Variants in PDE4B observed in about 807,000 individuals in gnomAD.
PDE4B encodes 3',5'-cyclic-AMP phosphodiesterase 4B.
PDE4B carries 20 observed loss-of-function variants against 82.2 expected under a neutral mutation model. That is an observed-to-expected ratio of 0.24 (90% CI 0.17 to 0.35). PDE4B has a LOEUF of 0.35. Among genes scored for constraint, PDE4B ranks in the 10% least tolerant of loss-of-function variants. PDE4B has a pLI of 1.00. For missense variants in PDE4B, 655 were observed against 907.2 expected (o/e 0.72, Z 3.57); for synonymous variants, 320 against 318.9 (o/e 1.00, Z -0.04).
chr1:66,090,862 G>A (rs1321544709), intron 3 of PDE4B, among the ~76,000 whole-genome samples: 1 of 151,508 alleles, frequency 6.6e-6, no homozygotes. Flanking sequence ...CTGTATGACG[G>A]GAACTAGAGA....
intron 3 of PDE4B, among the ~76,000 whole-genome samples, chr1:66,007,576 T>C (rs976534522): frequency 1.4e-4 from 22 of 152,160 alleles, no homozygotes; most frequent in African/African-American, 5.3e-4. Flanking sequence ...CCACTTCTTT[T>C]TCCAAATGGC....
intron 3 of PDE4B, among the ~76,000 whole-genome samples, chr1:65,934,436 TA>T (rs1477952486): frequency 1.6e-4 from 24 of 152,136 alleles, no homozygotes; most frequent in African/African-American, 5.8e-4. Context: ...CCTGTCTCAA[TA>T]AAAAATAAAA....
At chr1:65,887,412 C>CTTTTTTTTTTTT (rs1285765740) in intron 1 of PDE4B, among the ~76,000 whole-genome samples, 27 of 6,916 alleles carry the variant, frequency 3.9e-3, no homozygotes, top group African/African-American at 6.1e-3. Context: ...TCTTTTTCTT[C>CTTTTTTTTTTTT]TGTTTTTTTT....
intron 4 of PDE4B, among the ~76,000 whole-genome samples, chr1:66,255,011 T>TC (rs1347647692): frequency 6.7e-6 from 1 of 150,368 alleles, no homozygotes; most frequent in African/African-American, 2.5e-5. Context: ...CTCCTCTCTC[T>TC]TTTTCTTTTC....
chr1:66,190,617 G>A (rs1008614892), intron 3 of PDE4B, among the ~76,000 whole-genome samples: 2 of 152,146 alleles, frequency 1.3e-5, no homozygotes, highest in Non-Finnish European at 2.9e-5. Flanking sequence ...GAGGCTCTGT[G>A]GGCATAGGAA....
intron 3 of PDE4B, among the ~76,000 whole-genome samples, chr1:66,239,205 T>C (rs1365457423): frequency 6.6e-6 from 1 of 152,216 alleles, no homozygotes; most frequent in Non-Finnish European, 1.5e-5. Flanking sequence ...AACGATCTCT[T>C]ATGATAACTT....
intron 3 of PDE4B, among the ~76,000 whole-genome samples, chr1:65,923,647 C>A (rs1167399876): frequency 6.6e-6 from 1 of 152,148 alleles, no homozygotes; most frequent in Non-Finnish European, 1.5e-5. Context: ...AATGTCTTTA[C>A]TTTATTTCAA....
Position 65,885,855 on chromosome 1 carries a change from TATAATAATAATAATA to T in PDE4B, c.-70-27362_-70-27348del, listed in dbSNP as rs34224891. ...TGCACATGTACCCTAAAACTTAACGTATAATAATAATAATAATAATAATAATAATAATAATAATAA... is the reference window on the plus strand; with the variant it reads ...TGCACATGTACCCTAAAACTTAACGTATAATAATAATAATAATAATAATAA... On this transcript the variant is annotated intron_variant, in intron 1 of 16. Coordinates refer to ENST00000341517, the MANE Select transcript of PDE4B (RefSeq NM_002600.4). 2.8e-3 allele frequency among the ~76,000 whole-genome samples: 400 copies of T among 141,374 alleles called. 1 individual carries two copies. The highest frequency in any genetic ancestry group is 6.2e-3 in the South Asian group (27 of 4,368). 92.7% of individuals were successfully genotyped at this position (141,374 alleles called of 152,430 possible). A position where few individuals can be genotyped will look rare whatever the true frequency, so the allele number is the denominator to read the frequency against.
chr1:65,822,678 C>T (rs1441502825), intron 1 of PDE4B, among the ~76,000 whole-genome samples: 2 of 152,066 alleles, frequency 1.3e-5, no homozygotes, highest in African/African-American at 2.4e-5. Context: ...CTAGCTAGGT[C>T]CTTTTTCCCT....
chr1:65,857,784 C>G (rs1328546332), intron 1 of PDE4B, among the ~76,000 whole-genome samples: 2 of 152,208 alleles, frequency 1.3e-5, no homozygotes, highest in Non-Finnish European at 2.9e-5. Flanking sequence ...TAAGTGAATA[C>G]TTGAAGTCAG....
chr1:66,017,129 TA>T (rs1379774016), intron 3 of PDE4B, among the ~76,000 whole-genome samples: 1 of 152,230 alleles, frequency 6.6e-6, no homozygotes, highest in Non-Finnish European at 1.5e-5. Context: ...TTTTTGGATT[TA>T]CATACTTGAT....
intron 3 of PDE4B, among the ~76,000 whole-genome samples, chr1:66,031,968 G>A (rs1044179051): frequency 2.0e-5 from 3 of 152,144 alleles, no homozygotes; most frequent in African/African-American, 7.2e-5. Context: ...GGCTCCTGTT[G>A]AACAGAATTT....
intron 1 of PDE4B, among the ~76,000 whole-genome samples, chr1:65,912,999 C>G (rs752979469): frequency 1.6e-4 from 25 of 152,236 alleles, no homozygotes; most frequent in Non-Finnish European, 3.5e-4. Context: ...ATTTGGGAGC[C>G]TAATTGTTAC....
intron 3 of PDE4B, among the ~76,000 whole-genome samples, chr1:66,167,545 G>C (rs1440212226): frequency 6.6e-6 from 1 of 152,180 alleles, no homozygotes; most frequent in Non-Finnish European, 1.5e-5. Flanking sequence ...GGTGATAGTG[G>C]TGATGGTTGT....
At chr1:65,901,123 T>A (rs542149644) in intron 1 of PDE4B, among the ~76,000 whole-genome samples, 1 of 152,118 alleles carries the variant, frequency 6.6e-6, no homozygotes, top group African/African-American at 2.4e-5. Context: ...TTTGAGGGTA[T>A]GTTTCTTTGA....
At chr1:65,875,743 C>A (rs1421981127) in intron 1 of PDE4B, among the ~76,000 whole-genome samples, 1 of 137,340 alleles carries the variant, frequency 7.3e-6, no homozygotes, top group Non-Finnish European at 1.5e-5. Context: ...TAGGTGGGAA[C>A]TGAACAATGA....
At chr1:65,980,439 A>C (rs1032873505) in intron 3 of PDE4B, among the ~76,000 whole-genome samples, 1 of 152,186 alleles carries the variant, frequency 6.6e-6, no homozygotes, top group African/African-American at 2.4e-5. Context: ...CTTAAGAAGC[A>C]CATTTTCTTA....
chr1:66,249,033 T>C (rs1393438559), intron 4 of PDE4B, among the ~76,000 whole-genome samples: 1 of 152,160 alleles, frequency 6.6e-6, no homozygotes, highest in African/African-American at 2.4e-5. Flanking sequence ...TTTGGAATCT[T>C]TCCATCCATG....
intron 7 of PDE4B, among the ~76,000 whole-genome samples, chr1:66,296,718 C>T (rs909008779): frequency 2.0e-5 from 3 of 152,178 alleles, no homozygotes; most frequent in Middle Eastern, 3.4e-3. Context: ...GAGAGGCTGG[C>T]GCATATTTGT....
Sources: allele counts gnomAD v4.1 joint callset (sites outside exome capture counted in the v4.1 genomes callset), GRCh38; gene constraint gnomAD v4.1.1; transcripts MANE v1.5; gene names NCBI Gene and HGNC (gene_info 2026-07-23, HGNC 2026-07-21).